PLCL1: variants seen among roughly 807,000 people sequenced by gnomAD.
The protein encoded by PLCL1 is inactive phospholipase C-like protein 1.
Under a neutral mutation model 84.4 loss-of-function variants are expected in PLCL1, and 41 were observed. The observed-to-expected ratio is 0.49, with a 90% CI of 0.38 to 0.63. The LOEUF (loss-of-function observed/expected upper bound fraction) is 0.63. PLCL1 is among the 30% of genes least tolerant of loss of function. PLCL1 has a pLI of 0.00. For missense variants in PLCL1, 1,206 were observed against 1,367.8 expected, an observed-to-expected ratio of 0.88 and a Z score of 1.87; for synonymous variants, 490 against 488.3, an observed-to-expected ratio of 1.00 and a Z score of -0.05.
chr2:197,964,157 A>G (rs1420533108), intron 1 of PLCL1, among the ~76,000 whole-genome samples: 1 of 152,014 alleles, frequency 6.6e-6, no homozygotes, highest in Non-Finnish European at 1.5e-5. Context: ...ATTTTGATAG[A>G]GATGGCATTG....
intron 1 of PLCL1, among the ~76,000 whole-genome samples, chr2:197,969,942 A>C (rs1689826876): frequency 3.9e-5 from 6 of 152,164 alleles, no homozygotes; most frequent in Admixed American, 3.9e-4. Flanking sequence ...TCTTTGAGCC[A>C]TTGAGATTTT....
In PLCL1 at chr2:198,088,849, T is replaced by A. The variant is rs1215515309; in HGVS notation, c.2716-9T>A. Reference sequence around the variant, plus strand: ...TCAGAAGTGTGATTCCATGTTTTCTTCCTCACAGAATGCAATCGTGTCTAT... The same window carrying A: ...TCAGAAGTGTGATTCCATGTTTTCTACCTCACAGAATGCAATCGTGTCTAT... On this transcript the variant is annotated splice_polypyrimidine_tract_variant and intron_variant, in intron 2 of 5. Coordinates refer to ENST00000428675, the MANE Select transcript of PLCL1 (RefSeq NM_006226.4). 2 of 1,572,536 alleles carry A rather than the reference T, an allele frequency of 1.3e-6. No individual in the cohort carries two copies. Among genetic ancestry groups the A allele is most frequent in the Non-Finnish European group, 1.8e-6 (2 of 1,142,244 alleles).
chr2:198,110,608 A>G (rs984817328), intron 5 of PLCL1, among the ~76,000 whole-genome samples: 1 of 151,924 alleles, frequency 6.6e-6, no homozygotes, highest in Non-Finnish European at 1.5e-5. Flanking sequence ...AGAGGCATCC[A>G]TCTCTGAAAG....
intron 1 of PLCL1, among the ~76,000 whole-genome samples, chr2:197,889,547 G>T (rs1687978047): frequency 6.6e-6 from 1 of 152,096 alleles, no homozygotes; most frequent in African/African-American, 2.4e-5. Flanking sequence ...TTTTCATAGA[G>T]TAAGGACATT....
At chr2:197,976,441 C>T (rs1689983581) in intron 1 of PLCL1, among the ~76,000 whole-genome samples, 1 of 152,112 alleles carries the variant, frequency 6.6e-6, no homozygotes, top group South Asian at 2.1e-4. Flanking sequence ...CCTTTCCTTT[C>T]CCTTTCCCTT....
chr2:198,093,046 C>T (rs1187675043), intron 3 of PLCL1, among the ~76,000 whole-genome samples: 3 of 152,168 alleles, frequency 2.0e-5, no homozygotes, highest in Admixed American at 6.5e-5. Flanking sequence ...CTGAATTGTT[C>T]CCTATCTTAT....
chr2:198,048,342 C>T (rs1691853398), intron 1 of PLCL1, among the ~76,000 whole-genome samples: 1 of 152,210 alleles, frequency 6.6e-6, no homozygotes, highest in Admixed American at 6.5e-5. Context: ...TATGTGTTCT[C>T]ACATGGCCCA....
In PLCL1 at chr2:198,148,322, T is replaced by G. The variant is rs948596658; in HGVS notation, c.*1360T>G. ...AAATTTTGCAAATATAAACATCTCCTATAGCTTCTGTGTTATTTCTGACTT... is the reference window on the plus strand; with the variant it reads ...AAATTTTGCAAATATAAACATCTCCGATAGCTTCTGTGTTATTTCTGACTT... On this transcript the variant is annotated 3_prime_UTR_variant, in exon 6 of 6. Coordinates refer to ENST00000428675, the MANE Select transcript of PLCL1 (RefSeq NM_006226.4). 8 of 152,360 alleles carry G rather than the reference T, an allele frequency of 5.3e-5. No individual in the cohort carries two copies. Among genetic ancestry groups the G allele is most frequent in the African/African-American group, 1.9e-4 (8 of 41,454 alleles). 9.4% of individuals were successfully genotyped at this position (152,360 alleles called of 1,614,324 possible).
At chr2:197,967,245 G>A (rs1176089976) in intron 1 of PLCL1, among the ~76,000 whole-genome samples, 1 of 152,100 alleles carries the variant, frequency 6.6e-6, no homozygotes, top group African/African-American at 2.4e-5. Flanking sequence ...CTTCCAGGCT[G>A]AAGTGCAGTG....
In PLCL1 at chr2:197,812,002, T is replaced by A. The variant is rs144297369; in HGVS notation, c.240+6663T>A. 7.9e-5 allele frequency among the ~76,000 whole-genome samples: 12 copies of A among 152,328 alleles called. No homozygotes were observed. The East Asian group carries it at 2.3e-3, about 29-fold the overall frequency. On this transcript the variant is annotated intron_variant, in intron 1 of 5. Transcript: ENST00000428675. ...TCGAGTAGTCCCCAGTATTTATTGT[T>A]CCTCTCTTTGTGTTCATGTGTATTT...
At position 197,944,422 on chromosome 2, in the gene PLCL1, T is replaced by C. The variant is rs546721485; in HGVS notation, c.240+139083T>C. ...GCTGTGCCTGAGTCTCAAGCTCCTA[T>C]GGCTCACATTCTCTGGAGAATAAAC... On this transcript the variant is annotated intron_variant, in intron 1 of 5. Transcript: ENST00000428675. Among the ~76,000 whole-genome samples the C allele has an allele frequency of 1.3e-4, 20 of 152,324 alleles. No individual in the cohort carries two copies. The East Asian group carries it at 2.7e-3, about 21-fold the overall frequency.
At chr2:197,869,521 A>G (rs1405311308) in intron 1 of PLCL1, among the ~76,000 whole-genome samples, 1 of 152,168 alleles carries the variant, frequency 6.6e-6, no homozygotes, top group Non-Finnish European at 1.5e-5. Context: ...TGTTCGACTC[A>G]TGCAGTCACA....
chr2:197,897,171 CTTCTTCTTCTTCTTCTT>C lies in PLCL1; in HGVS notation c.240+91833_240+91849del, dbSNP rs1559038582. Among the ~76,000 whole-genome samples the C allele has an allele frequency of 4.1e-3, 126 of 30,980 alleles. 7 individuals are homozygous for C. Among genetic ancestry groups the C allele is most frequent in the African/African-American group, 0.027 (119 of 4,380 alleles). 20.3% of individuals were successfully genotyped at this position (30,980 alleles called of 152,430 possible). A position where few individuals can be genotyped will look rare whatever the true frequency, so the allele number is the denominator to read the frequency against. ...TCTTCTTCTTCTTCTTCTTCTTCTT[CTTCTTCTTCTTCTTCTT>C]CTCCTTCTCCTTCTTCTTTCTTCTT... On this transcript the variant is annotated intron_variant, in intron 1 of 5. Coordinates refer to ENST00000428675, the MANE Select transcript of PLCL1 (RefSeq NM_006226.4).
chr2:198,028,629 C>A (rs1374437321), intron 1 of PLCL1, among the ~76,000 whole-genome samples: 1 of 152,160 alleles, frequency 6.6e-6, no homozygotes, highest in African/African-American at 2.4e-5. Context: ...AGAGAGAGAT[C>A]ACGGTCATAT....
intron 1 of PLCL1, among the ~76,000 whole-genome samples, chr2:197,840,398 G>A (rs561940019): frequency 1.9e-4 from 29 of 152,066 alleles, no homozygotes; most frequent in African/African-American, 6.8e-4. Context: ...GTCAGTTTTA[G>A]AAATCTGCCT....
intron 1 of PLCL1, among the ~76,000 whole-genome samples, chr2:197,930,534 T>G (rs75041159): frequency 6.6e-6 from 1 of 152,222 alleles, no homozygotes. Context: ...CTTAATAGTT[T>G]ATTGTGTAAA....
intron 1 of PLCL1, among the ~76,000 whole-genome samples, chr2:197,929,722 G>C (rs967560099): frequency 3.9e-5 from 6 of 152,166 alleles, no homozygotes; most frequent in African/African-American, 1.4e-4. Flanking sequence ...TCTAATGAGA[G>C]AGTTAAAAAT....
At chr2:197,942,267 C>CT (rs1689172868) in intron 1 of PLCL1, among the ~76,000 whole-genome samples, 2 of 152,148 alleles carry the variant, frequency 1.3e-5, no homozygotes, top group South Asian at 4.1e-4. Flanking sequence ...TTTAGTTTTC[C>CT]TTTTCACCAC....
chr2:197,980,752 AATACT>A (rs1559063485), intron 1 of PLCL1, among the ~76,000 whole-genome samples: 1 of 152,220 alleles, frequency 6.6e-6, no homozygotes, highest in African/African-American at 2.4e-5. Flanking sequence ...GATCATAGCT[AATACT>A]ATGGAGTTCT....
Sources: allele counts gnomAD v4.1 joint callset (sites outside exome capture counted in the v4.1 genomes callset), GRCh38; gene constraint gnomAD v4.1.1; transcripts MANE v1.5; gene names NCBI Gene and HGNC (gene_info 2026-07-23, HGNC 2026-07-21).